ACOXL: variants seen among roughly 807,000 people sequenced by gnomAD.
ACOXL encodes acyl-CoA oxidase like.
In ACOXL, 70 loss-of-function variants were observed where a neutral mutation model predicts 71.9. That is an observed-to-expected ratio of 0.97 (90% CI 0.80 to 1.19). ACOXL has a LOEUF of 1.19. ACOXL is among the 50% of genes most tolerant of loss of function. ACOXL has a pLI of 0.00. For missense variants in ACOXL, 703 were observed against 736.3 expected (o/e 0.95, Z 0.52); for synonymous variants, 253 against 281.6 (o/e 0.90, Z 1.02).
intron 15 of ACOXL, 127 bp downstream of exon 15, chr2:111,031,841 T>G: frequency 1.1e-6 from 1 of 928,308 alleles, no homozygotes; most frequent in East Asian, 2.5e-5. Context: ...GTGTTGAATT[T>G]AGGGCCCCAA....
chr2:110,791,597 A>G (rs1443832080), intron 3 of ACOXL, among the ~76,000 whole-genome samples: 1 of 152,260 alleles, frequency 6.6e-6, no homozygotes, highest in Non-Finnish European at 1.5e-5. Context: ...TAGAGAAGTG[A>G]GCTGAGTCTT....
At chr2:110,803,985 C>CTT (rs1177385627) in intron 8 of ACOXL, among the ~76,000 whole-genome samples, 4,098 of 132,196 alleles carry the variant, frequency 0.031, 93 homozygotes, top group South Asian at 0.049. Context: ...ACTAGGATGT[C>CTT]TTTTTTTTTT....
chr2:111,014,482 A>G (rs1279965329), intron 14 of ACOXL, among the ~76,000 whole-genome samples: 1 of 152,224 alleles, frequency 6.6e-6, no homozygotes, highest in East Asian at 1.9e-4. Flanking sequence ...AAGCAAGCCT[A>G]AGTAACTGGA....
At chr2:110,781,446 A>G (rs1683321664) in intron 2 of ACOXL, among the ~76,000 whole-genome samples, 1 of 151,726 alleles carries the variant, frequency 6.6e-6, no homozygotes, top group South Asian at 2.1e-4. Context: ...TTGAGACCAG[A>G]CTGGCCAGCA....
intron 5 of ACOXL, chr2:110,795,940 A>G (rs1222360662): frequency 6.6e-6 from 1 of 152,014 alleles, no homozygotes; most frequent in African/African-American, 2.4e-5. Flanking sequence ...GGCAGCTACC[A>G]CTGTCTGATA....
intron 12 of ACOXL, among the ~76,000 whole-genome samples, chr2:110,970,383 GAA>G (rs2062131639): frequency 6.6e-6 from 1 of 152,042 alleles, no homozygotes; most frequent in Non-Finnish European, 1.5e-5. Flanking sequence ...GACTAAAGGC[GAA>G]AAAGTCACAT....
At chr2:110,796,608 G>A (rs1468359803) in intron 5 of ACOXL, among the ~76,000 whole-genome samples, 1 of 152,098 alleles carries the variant, frequency 6.6e-6, no homozygotes, top group East Asian at 1.9e-4. Context: ...TGTTTCCTCT[G>A]CCACTTCACT....
At chr2:110,945,861 T>G (rs1169150920) in intron 12 of ACOXL, among the ~76,000 whole-genome samples, 1 of 152,222 alleles carries the variant, frequency 6.6e-6, no homozygotes, top group Admixed American at 6.5e-5. Context: ...TAAACTAGTT[T>G]TTTTTTTTCT....
intron 8 of ACOXL, among the ~76,000 whole-genome samples, chr2:110,802,262 T>C (rs1370835840): frequency 1.3e-5 from 2 of 152,182 alleles, no homozygotes; most frequent in African/African-American, 4.8e-5. Flanking sequence ...GCTTCCTTTG[T>C]GAGTGGCAGA....
At chr2:110,898,892 A>G (rs1215184221) in intron 10 of ACOXL, among the ~76,000 whole-genome samples, 1 of 152,238 alleles carries the variant, frequency 6.6e-6, no homozygotes, top group African/African-American at 2.4e-5. Flanking sequence ...CAGCAAAGTC[A>G]TAGGGTGCAA....
chr2:110,956,111 T>G (rs1309216871), intron 12 of ACOXL, among the ~76,000 whole-genome samples: 1 of 152,004 alleles, frequency 6.6e-6, no homozygotes, highest in Non-Finnish European at 1.5e-5. Context: ...AATTTTGTAT[T>G]TTTAGTAGAG....
At chr2:110,998,588 T>A (rs1197996786) in intron 14 of ACOXL, among the ~76,000 whole-genome samples, 1 of 152,222 alleles carries the variant, frequency 6.6e-6, no homozygotes, top group Non-Finnish European at 1.5e-5. Flanking sequence ...CTTTGTCTCT[T>A]CTAATTTGGC....
At chr2:110,773,744 C>A (rs1033673219) in intron 2 of ACOXL, among the ~76,000 whole-genome samples, 1 of 152,248 alleles carries the variant, frequency 6.6e-6, no homozygotes, top group Non-Finnish European at 1.5e-5. Flanking sequence ...GAGTCCCTGT[C>A]CCAGCTCCAG....
chr2:110,827,246 C>T (rs1689271164), intron 9 of ACOXL, among the ~76,000 whole-genome samples: 1 of 152,176 alleles, frequency 6.6e-6, no homozygotes, highest in South Asian at 2.1e-4. Flanking sequence ...CACATATGCC[C>T]TGCAGGAGTA....
At chr2:110,786,376 T>G (rs1683966544) in intron 3 of ACOXL, among the ~76,000 whole-genome samples, 1 of 152,158 alleles carries the variant, frequency 6.6e-6, no homozygotes, top group Non-Finnish European at 1.5e-5. Flanking sequence ...CACCATCAGA[T>G]TTTTCCAGGA....
chr2:110,775,253 A>G (rs1459510758), intron 2 of ACOXL, among the ~76,000 whole-genome samples: 1 of 152,256 alleles, frequency 6.6e-6, no homozygotes, highest in African/African-American at 2.4e-5. Flanking sequence ...TTAACATTGG[A>G]TTTGACAATG....
chr2:111,045,466 C>G (rs1022271347), intron 15 of ACOXL, among the ~76,000 whole-genome samples: 2 of 152,158 alleles, frequency 1.3e-5, no homozygotes, highest in Non-Finnish European at 2.9e-5. Context: ...GGCTTTTCCC[C>G]CTTTTGCTCA....
At chr2:111,109,970 G>C (rs1157406677) in intron 17 of ACOXL, among the ~76,000 whole-genome samples, 1 of 152,036 alleles carries the variant, frequency 6.6e-6, no homozygotes, top group Non-Finnish European at 1.5e-5. Flanking sequence ...GAGCCACCGT[G>C]CCTGGCCTTC....
intron 12 of ACOXL, among the ~76,000 whole-genome samples, chr2:110,964,116 G>A (rs183462965): frequency 1.3e-5 from 2 of 152,136 alleles, no homozygotes; most frequent in East Asian, 1.9e-4. Context: ...CAATCCAATC[G>A]GCTCATGTTT....
Sources: allele counts gnomAD v4.1 joint callset (sites outside exome capture counted in the v4.1 genomes callset), GRCh38; gene constraint gnomAD v4.1.1; transcripts MANE v1.5; gene names NCBI Gene and HGNC (gene_info 2026-07-23, HGNC 2026-07-21).